The following KIF11 variants were observed in gnomAD, a reference collection of about 807,000 sequenced individuals.
KIF11 encodes kinesin-like protein KIF11.
In KIF11, 9 loss-of-function variants were observed where a neutral mutation model predicts 121.0. That is an observed-to-expected ratio of 0.07 (90% CI 0.04 to 0.13). KIF11 has a LOEUF of 0.13. Ranked by LOEUF, KIF11 falls within the 10% of genes least tolerant of loss-of-function variation. The pLI, the probability that KIF11 is intolerant of heterozygous loss-of-function variation, is 1.00. For missense variants in KIF11, 846 were observed against 1,217.5 expected (o/e 0.69, Z 4.54); for synonymous variants, 408 against 421.0 (o/e 0.97, Z 0.38).
intron 17 of KIF11, among the ~76,000 whole-genome samples, chr10:92,644,355 G>C (rs1444587381): frequency 6.6e-6 from 1 of 151,728 alleles, no homozygotes; most frequent in Non-Finnish European, 1.5e-5. Flanking sequence ...TTGCTCTGTC[G>C]CCCAGGCTGG....
At chr10:92,652,383 G>A (rs971253088) in intron 21 of KIF11, among the ~76,000 whole-genome samples, 16 of 151,910 alleles carry the variant, frequency 1.1e-4, no homozygotes, top group African/African-American at 3.1e-4. Context: ...CAGGTGATCC[G>A]CCCGCCTCGG....
intron 21 of KIF11, among the ~76,000 whole-genome samples, chr10:92,651,521 T>G (rs1257862291): frequency 4.0e-5 from 3 of 75,266 alleles, no homozygotes; most frequent in South Asian, 4.2e-4. Flanking sequence ...TTTTTTTTTT[T>G]TTTTTTTTTT....
chr10:92,598,318 A>G (rs1163258210), intron 1 of KIF11, among the ~76,000 whole-genome samples: 1 of 152,192 alleles, frequency 6.6e-6, no homozygotes, highest in Non-Finnish European at 1.5e-5. Flanking sequence ...GCATATGGAT[A>G]TTTAGTTTCC....
At position 92,606,688 on chromosome 10, in the gene KIF11, A is replaced by G. The variant is rs767689369; in HGVS notation, c.280A>G (p.Ile94Val). The G allele has an allele frequency of 1.3e-6, 2 of 1,558,054 alleles. No individual in the cohort carries two copies. Residue 94 changes from isoleucine to valine, a missense_variant, in exon 3 of 22, where the codon ATT (isoleucine) becomes GTT (valine). Ile to Val is a conservative substitution (Grantham distance 29). This residue lies in a region of KIF11 where 140 missense variants were observed against 193.5 expected (regional missense o/e 0.72). Transcript: ENST00000260731. Reference sequence around the variant, plus strand: ...TGTTTGTCCAATTCTGGATGAAGTTATTATGGGCTATAATTGCACTATCTT... The same window carrying G: ...TGTTTGTCCAATTCTGGATGAAGTTGTTATGGGCTATAATTGCACTATCTT... ...SVVCPILDEV[I>V]MGYNCTIFAY...
intron 1 of KIF11, among the ~76,000 whole-genome samples, chr10:92,599,807 G>A (rs1280698666): frequency 1.4e-5 from 2 of 147,098 alleles, no homozygotes; most frequent in Admixed American, 6.8e-5. Flanking sequence ...CACACGCTAC[G>A]ACGCCCAGCT....
chr10:92,653,775 G>C lies in KIF11; in HGVS notation c.3150G>C (p.Leu1050=), dbSNP rs748619331. 35 of 1,613,546 alleles carry C rather than the reference G, an allele frequency of 2.2e-5. No homozygotes were observed. Among genetic ancestry groups the C allele is most frequent in the Middle Eastern group, 1.6e-4 (1 of 6,080 alleles). The part of the protein sequence containing the change: ...EHLVTKSRLP[L]RAQINL ...TGGTTACAAAGAGCAGATTACCTCT[G>C]CGAGCCCAGATCAACCTTTAATTCA... Residue 1050 remains leucine (L), a synonymous_variant, in exon 22 of 22, where the codon CTG becomes CTC. Transcript: ENST00000260731.
At chr10:92,638,083 A>G (rs564467074) in intron 16 of KIF11, among the ~76,000 whole-genome samples, 1 of 152,326 alleles carries the variant, frequency 6.6e-6, no homozygotes, top group Admixed American at 6.5e-5. Context: ...ACCAAAACCA[A>G]GCCTTCAAAC....
chr10:92,629,299 A>G (rs1350949635), intron 11 of KIF11, among the ~76,000 whole-genome samples: 2 of 145,412 alleles, frequency 1.4e-5, no homozygotes, highest in African/African-American at 2.5e-5. Flanking sequence ...ATTTTTTTGG[A>G]AAAAAAAAAA....
intron 20 of KIF11, among the ~76,000 whole-genome samples, 189 bp downstream of exon 20, chr10:92,650,175 C>T (rs1485904038): frequency 6.6e-6 from 1 of 152,122 alleles, no homozygotes; most frequent in Admixed American, 6.6e-5. Flanking sequence ...ATAATAATAG[C>T]CAATACTTAA....
chr10:92,600,254 C>T (rs893095815), intron 1 of KIF11, among the ~76,000 whole-genome samples: 9 of 152,100 alleles, frequency 5.9e-5, no homozygotes, highest in East Asian at 3.9e-4. Context: ...CCGCCCGCTT[C>T]GGCCTCCCAA....
intron 5 of KIF11, 50 bp downstream of exon 5, chr10:92,609,255 C>A: frequency 7.3e-7 from 1 of 1,370,542 alleles, no homozygotes; most frequent in Non-Finnish European, 1.0e-6. Context: ...ATGTGTGAGG[C>A]TTTGAGAAGT....
rs530719738 is a variant in KIF11 at position 92,648,225 on chromosome 10, G to A, written c.2561G>A (p.Cys854Tyr). The change falls in exon 19 of 22, where the codon TGT becomes TAT. Residue 854 changes from cysteine (C) to tyrosine (Y), a missense_variant. Physicochemically the swap from Cys to Tyr is radical, Grantham distance 194 (BLOSUM62 -2). Coordinates refer to ENST00000260731, the MANE Select transcript of KIF11 (RefSeq NM_004523.4). Reference protein sequence around the residue: ...LHNLLEVVSQCCEASSSDITE... With the variant: ...LHNLLEVVSQYCEASSSDITE... ...CATCATTTACAGGTTGTAAGCCAAT[G>A]TTGTGAGGCTTCAAGTTCAGACATC... 1.7e-5 allele frequency: 27 copies of A among 1,606,468 alleles called. No individual in the cohort carries two copies. The South Asian group carries it at 3.0e-4, about 18-fold the overall frequency.
At chr10:92,637,683 A>G (rs771509723) in intron 16 of KIF11, 138 bp downstream of exon 16, 62 of 779,746 alleles carry the variant, frequency 8.0e-5, no homozygotes, top group Admixed American at 1.4e-4. Context: ...ACTGTTGCTT[A>G]TAACAGTAAT....
chr10:92,621,596 T>TTGTGTGTGTGTGTGTG (rs374159901), intron 10 of KIF11, 123 bp downstream of exon 10: 104 of 595,944 alleles, frequency 1.7e-4, no homozygotes, highest in African/African-American at 6.3e-4. Flanking sequence ...ATACTTCATT[T>TTGTGTGTGTGTGTGTG]TGTGTGTGTG....
intron 9 of KIF11, among the ~76,000 whole-genome samples, chr10:92,620,150 G>A (rs138413535): frequency 0.013 from 1,939 of 146,434 alleles, 47 homozygotes; most frequent in African/African-American, 0.046. Context: ...GTGCCATCTC[G>A]GCTCACTGCA....
intron 17 of KIF11, among the ~76,000 whole-genome samples, chr10:92,644,479 G>A (rs779036408): frequency 3.3e-5 from 5 of 151,922 alleles, no homozygotes; most frequent in South Asian, 2.1e-4. Context: ...CACCACGCCC[G>A]GCTAATTTAT....
chr10:92,650,600 C>G (rs1489199212), intron 21 of KIF11, 83 bp downstream of exon 21: 1 of 800,636 alleles, frequency 1.2e-6, no homozygotes, highest in Admixed American at 1.9e-5. Flanking sequence ...TCGTGGTGAG[C>G]AGAACAACAA....
intron 16 of KIF11, among the ~76,000 whole-genome samples, 184 bp from the exon 17 acceptor site, chr10:92,639,610 C>T (rs979217398): frequency 3.3e-5 from 5 of 151,886 alleles, no homozygotes; most frequent in African/African-American, 1.2e-4. Context: ...AAAAACAAAT[C>T]CTACATTTTA....
chr10:92,625,950 T>G (rs919134519), intron 10 of KIF11, among the ~76,000 whole-genome samples: 1 of 152,120 alleles, frequency 6.6e-6, no homozygotes, highest in African/African-American at 2.4e-5. Context: ...ATGGAAAAAC[T>G]TTCCATGCTC....
Sources: allele counts gnomAD v4.1 joint callset (sites outside exome capture counted in the v4.1 genomes callset), GRCh38; gene constraint gnomAD v4.1.1; regional missense constraint gnomAD v4.1.1; transcripts MANE v1.5; gene names NCBI Gene and HGNC (gene_info 2026-07-23, HGNC 2026-07-21).